The following SORCS1 variants were observed in gnomAD, a reference collection of about 807,000 sequenced individuals.
SORCS1 encodes the protein VPS10 domain-containing receptor SorCS1.
In SORCS1, 60 loss-of-function variants were observed where a neutral mutation model predicts 146.1. The ratio of observed to expected loss-of-function variants is 0.41; its 90% CI spans 0.33 to 0.51. The LOEUF (loss-of-function observed/expected upper bound fraction) is 0.51, where lower values mean the gene tolerates loss of function less well. Among genes scored for constraint, SORCS1 ranks in the 20% least tolerant of loss-of-function variants. The probability of loss-of-function intolerance (pLI) is 0.21; values close to 1 mark genes in which losing one functional copy is unlikely to be tolerated. For synonymous variants in SORCS1, 637 were observed against 584.0 expected, an observed-to-expected ratio of 1.09 and a Z score of -1.31; for missense variants, 1,352 against 1,487.6, an observed-to-expected ratio of 0.91 and a Z score of 1.50.
chr10:106,776,705 ATTG>A lies in SORCS1; in HGVS notation c.727-16_727-14del. 6.3e-7 allele frequency: 1 copy of A among 1,589,100 alleles called. No individual in the cohort carries two copies. Among genetic ancestry groups the A allele is most frequent in the South Asian group, 1.1e-5 (1 of 87,868 alleles). On this transcript the variant is annotated splice_polypyrimidine_tract_variant and intron_variant, in intron 3 of 25. Coordinates refer to ENST00000263054, the MANE Select transcript of SORCS1 (RefSeq NM_052918.5). ...TGAGTAACATTATCTGCAGCAAAGA[ATTG>A]TTGGAGAAAGAAACAACAGAAAATT... is the stretch of plus-strand genomic sequence containing the variant.
the SORCS1 span, among the ~76,000 whole-genome samples, chr10:107,180,026 C>T: frequency 1.4e-5 from 2 of 145,726 alleles, no homozygotes; most frequent in African/African-American, 2.5e-5. Flanking sequence ...AAGCAATCAT[C>T]CCACCTCAGC....
At chr10:106,674,950 G>T in intron 14 of SORCS1, 99 bp downstream of exon 14, 1 of 912,888 alleles carries the variant, frequency 1.1e-6, no homozygotes, top group Non-Finnish European at 1.7e-6. Context: ...CAACAACCTT[G>T]AACCTAACAG....
intron 1 of SORCS1, among the ~76,000 whole-genome samples, chr10:107,068,635 G>C (rs1393290402): frequency 1.3e-5 from 2 of 152,168 alleles, no homozygotes; most frequent in Non-Finnish European, 2.9e-5. Flanking sequence ...GGGAGGCCAA[G>C]GCAGGCGGAT....
At chr10:107,094,547 G>T (rs1964419668) in intron 1 of SORCS1, among the ~76,000 whole-genome samples, 1 of 152,142 alleles carries the variant, frequency 6.6e-6, no homozygotes, top group African/African-American at 2.4e-5. Flanking sequence ...ATTCACCTAT[G>T]ACTTTCAAAA....
intron 1 of SORCS1, among the ~76,000 whole-genome samples, chr10:107,025,104 T>C (rs1958341261): frequency 6.6e-6 from 1 of 152,200 alleles, no homozygotes; most frequent in African/African-American, 2.4e-5. Context: ...TCAGGTGTTA[T>C]ATCAAGGGTC....
chr10:106,736,739 C>A (rs1450752528), intron 5 of SORCS1, among the ~76,000 whole-genome samples: 1 of 152,224 alleles, frequency 6.6e-6, no homozygotes. Context: ...CCGAAGGTGC[C>A]ATTTAACCTC....
At chr10:106,777,427 T>C (rs942600658) in intron 3 of SORCS1, among the ~76,000 whole-genome samples, 1 of 152,176 alleles carries the variant, frequency 6.6e-6, no homozygotes, top group African/African-American at 2.4e-5. Flanking sequence ...CATGGTACAC[T>C]GATAAATATT....
At chr10:106,623,558 A>C (rs1003106484) in intron 19 of SORCS1, among the ~76,000 whole-genome samples, 1 of 152,026 alleles carries the variant, frequency 6.6e-6, no homozygotes, top group Non-Finnish European at 1.5e-5. Context: ...ATTTTTTAAA[A>C]GTCATAAACC....
chr10:106,940,026 G>A (rs532075289), intron 2 of SORCS1, among the ~76,000 whole-genome samples: 2 of 152,112 alleles, frequency 1.3e-5, no homozygotes, highest in East Asian at 1.9e-4. Context: ...AATTCAATGC[G>A]CCAGACATTA....
At chr10:107,075,418 C>T (rs1962790801) in intron 1 of SORCS1, among the ~76,000 whole-genome samples, 1 of 152,126 alleles carries the variant, frequency 6.6e-6, no homozygotes, top group Admixed American at 6.6e-5. Flanking sequence ...TCACTTTCCT[C>T]TTCTGTGAAG....
chr10:107,152,002 T>TCCTTTA lies in SORCS1; in HGVS notation c.558+11966_558+11967insTAAAGG, dbSNP rs1968839142. ...GACCCAGAGGCCTAGGAGGGAAAAA[T>TCCTTTA]GCTTTAGTGGACCAGGCCCAGAACC... On this transcript the variant is annotated intron_variant, in intron 1 of 25. Coordinates refer to ENST00000263054, the MANE Select transcript of SORCS1 (RefSeq NM_052918.5). Among the ~76,000 whole-genome samples, 5 of 152,066 alleles carry TCCTTTA rather than the reference T, an allele frequency of 3.3e-5. No homozygotes were observed. In the South Asian group the frequency reaches 1.0e-3, roughly 32 times the overall value.
At chr10:107,083,509 C>G (rs1963503265) in intron 1 of SORCS1, among the ~76,000 whole-genome samples, 1 of 152,114 alleles carries the variant, frequency 6.6e-6, no homozygotes, top group Non-Finnish European at 1.5e-5. Flanking sequence ...AAGACACAAC[C>G]ACTTAGAAGA....
intron 2 of SORCS1, among the ~76,000 whole-genome samples, chr10:106,856,592 G>C (rs1949796504): frequency 6.6e-6 from 1 of 152,156 alleles, no homozygotes. Flanking sequence ...TTTCAAAATG[G>C]TTACTTTTGC....
chr10:107,086,985 C>T lies in SORCS1; in HGVS notation c.558+76984G>A, dbSNP rs530649377. On this transcript the variant is annotated intron_variant, in intron 1 of 25. Coordinates refer to ENST00000263054, the MANE Select transcript of SORCS1 (RefSeq NM_052918.5). ...CGGAGCTTGCAGTGAGCTGAGATCA[C>T]GGCACTGCACTCAGCCTGGGCAACA... 5.3e-5 allele frequency among the ~76,000 whole-genome samples: 8 copies of T among 152,320 alleles called. No individual in the cohort carries two copies. In the East Asian group the frequency reaches 7.7e-4, roughly 15 times the overall value.
intron 8 of SORCS1, among the ~76,000 whole-genome samples, chr10:106,703,177 T>TAA (rs879675973): frequency 7.0e-6 from 1 of 142,518 alleles, no homozygotes; most frequent in Non-Finnish European, 1.5e-5. Flanking sequence ...GCTCCTTATT[T>TAA]AAAAAAAAAA....
At chr10:106,816,003 T>C (rs1029674961) in intron 3 of SORCS1, among the ~76,000 whole-genome samples, 1 of 152,210 alleles carries the variant, frequency 6.6e-6, no homozygotes, top group Non-Finnish European at 1.5e-5. Flanking sequence ...ACTTCTTGTC[T>C]CAATCTGAGT....
At chr10:106,594,673 A>G (rs1041360330) in intron 24 of SORCS1, among the ~76,000 whole-genome samples, 1 of 152,222 alleles carries the variant, frequency 6.6e-6, no homozygotes, top group Non-Finnish European at 1.5e-5. Flanking sequence ...TCTCCGGACT[A>G]AAAAAGGCAC....
the SORCS1 span, among the ~76,000 whole-genome samples, chr10:107,176,250 T>C: frequency 2.0e-5 from 3 of 151,338 alleles, no homozygotes; most frequent in Non-Finnish European, 4.4e-5. Context: ...TTTTCCTTCC[T>C]TCCTTCCTTC....
chr10:106,889,263 A>C (rs58879794), intron 2 of SORCS1, among the ~76,000 whole-genome samples: 15,073 of 152,092 alleles, frequency 0.099, 1,819 homozygotes, highest in African/African-American at 0.28. Flanking sequence ...AACCTAGCCA[A>C]TGCCCCTGCC....
Sources: gnomAD v4.1 joint callset for allele counts (sites outside exome capture counted in the v4.1 genomes callset) on GRCh38, gnomAD v4.1.1 for gene constraint, MANE v1.5 for transcripts, NCBI Gene and HGNC (gene_info 2026-07-23, HGNC 2026-07-21) for gene names.